The following SNAP91 variants were observed in gnomAD, a reference collection of about 807,000 sequenced individuals.
SNAP91 encodes the protein synaptosome associated protein 91, also known as clathrin coat assembly protein AP180.
Under a neutral mutation model 100.3 loss-of-function variants are expected in SNAP91, and 27 were observed. The ratio of observed to expected loss-of-function variants is 0.27; its 90% CI spans 0.20 to 0.37. The LOEUF is 0.37. Among genes scored for constraint, SNAP91 ranks in the 10% least tolerant of loss-of-function variants. SNAP91 has a pLI of 1.00. For synonymous variants in SNAP91, 404 were observed against 398.6 expected (o/e 1.01, Z -0.16); for missense variants, 986 against 1,123.7 (o/e 0.88, Z 1.75).
In SNAP91 at chr6:83,579,108, C is replaced by G. The variant is rs370749736; in HGVS notation, c.2299+1342G>C. 7.9e-5 allele frequency among the ~76,000 whole-genome samples: 12 copies of G among 152,164 alleles called. No individual in the cohort carries two copies. In the South Asian group the frequency reaches 1.9e-3, roughly 24 times the overall value. ...TTTGGTCTCTATGTCTATCCTTATT[C>G]CAGTACCATTTGTCCTGATTATTGT... On this transcript the variant is annotated intron_variant, in intron 24 of 29. Transcript: ENST00000369694.
At chr6:83,606,076 C>A (rs1276852011) in intron 13 of SNAP91, among the ~76,000 whole-genome samples, 1 of 152,116 alleles carries the variant, frequency 6.6e-6, no homozygotes, top group East Asian at 1.9e-4. Context: ...AAGACATAGA[C>A]AATACACAAA....
intron 26 of SNAP91, among the ~76,000 whole-genome samples, chr6:83,564,872 A>G (rs891051382): frequency 1.3e-5 from 2 of 152,074 alleles, no homozygotes; most frequent in Non-Finnish European, 2.9e-5. Flanking sequence ...TATGACACCA[A>G]AAGCACAAGT....
chr6:83,671,300 T>C (rs549047892), intron 2 of SNAP91, among the ~76,000 whole-genome samples: 1 of 152,232 alleles, frequency 6.6e-6, no homozygotes, highest in Admixed American at 6.5e-5. Context: ...AGTATCTAAA[T>C]GTTCTTGCCA....
intron 2 of SNAP91, chr6:83,690,412 A>C: frequency 7.8e-7 from 1 of 1,288,784 alleles, no homozygotes; most frequent in Non-Finnish European, 1.0e-6. Flanking sequence ...ATTAGGAAGC[A>C]CTTGTTGAAA....
chr6:83,695,728 A>C (rs1004236223), intron 2 of SNAP91, among the ~76,000 whole-genome samples: 15 of 152,098 alleles, frequency 9.9e-5, no homozygotes. Context: ...CTGAAAAAAC[A>C]CTTGTTTCTT....
chr6:83,644,458 T>C (rs931998870), intron 7 of SNAP91, among the ~76,000 whole-genome samples: 13 of 152,146 alleles, frequency 8.5e-5, no homozygotes, highest in African/African-American at 2.7e-4. Flanking sequence ...AGGGGATTGG[T>C]CATCCAAAAA....
chr6:83,654,252 A>T (rs1332990246), intron 7 of SNAP91, among the ~76,000 whole-genome samples: 1 of 152,122 alleles, frequency 6.6e-6, no homozygotes, highest in African/African-American at 2.4e-5. Flanking sequence ...TGTTCCAGTA[A>T]TCCATGACTC....
chr6:83,610,748 A>AGATATATATATATATATATAT (rs1562331919), intron 11 of SNAP91, 71 bp from the exon 12 acceptor site: 1 of 85,810 alleles, frequency 1.2e-5, no homozygotes, highest in Non-Finnish European at 2.0e-5. Flanking sequence ...TATATATATA[A>AGATATATATATATATATATAT]ATATATATGT....
chr6:83,595,771 T>A (rs2094407963), intron 16 of SNAP91, among the ~76,000 whole-genome samples: 1 of 152,336 alleles, frequency 6.6e-6, no homozygotes, highest in Admixed American at 6.5e-5. Flanking sequence ...TCTTCCTTGG[T>A]GATTTACTTA....
In SNAP91 at chr6:83,593,384, C is replaced by T. The variant is rs2094058825; in HGVS notation, c.1696+94G>A. ...TAAGCAGCAAATGGTTTCTAGAGAACCATTTAATTACACAGTCTTCATGCA... is the reference window on the plus strand; with the variant it reads ...TAAGCAGCAAATGGTTTCTAGAGAATCATTTAATTACACAGTCTTCATGCA... On this transcript the variant is annotated intron_variant, in intron 18 of 29. Coordinates refer to ENST00000369694, the MANE Select transcript of SNAP91 (RefSeq NM_001242792.2). The T allele has an allele frequency of 2.6e-6, 4 of 1,520,016 alleles. No homozygotes were observed. The Admixed American group carries it at 6.1e-5, about 23-fold the overall frequency. 94.2% of individuals were successfully genotyped at this position (1,520,016 alleles called of 1,614,324 possible).
intron 8 of SNAP91, among the ~76,000 whole-genome samples, chr6:83,630,938 CTGTT>C (rs1193486963): frequency 2.0e-5 from 3 of 151,974 alleles, no homozygotes; most frequent in East Asian, 1.9e-4. Context: ...CTTAGACTGT[CTGTT>C]TGTGTTCTTT....
chr6:83,694,421 C>T (rs928622338), intron 2 of SNAP91, among the ~76,000 whole-genome samples: 10 of 152,142 alleles, frequency 6.6e-5, no homozygotes, highest in African/African-American at 9.7e-5. Flanking sequence ...GACCATGATA[C>T]GAGCAAAAAA....
intron 8 of SNAP91, among the ~76,000 whole-genome samples, chr6:83,637,194 G>C (rs2097494414): frequency 1.3e-5 from 2 of 152,174 alleles, no homozygotes; most frequent in Admixed American, 6.5e-5. Context: ...TCCAGGCCTT[G>C]GGCCTTGGTG....
At chr6:83,611,863 A>ATTTTTTTTTTTT (rs750966269) in intron 11 of SNAP91, among the ~76,000 whole-genome samples, 29 of 91,256 alleles carry the variant, frequency 3.2e-4, no homozygotes, top group East Asian at 9.5e-4. Context: ...CGCCCGGCTA[A>ATTTTTTTTTTTT]TTTTTTTTTT....
At chr6:83,649,571 C>CT (rs1232423945) in intron 7 of SNAP91, among the ~76,000 whole-genome samples, 1 of 151,868 alleles carries the variant, frequency 6.6e-6, no homozygotes, top group African/African-American at 2.4e-5. Flanking sequence ...TAGTTCATAC[C>CT]TTTTTTGTTT....
At chr6:83,624,287 A>T (rs1404336067) in intron 8 of SNAP91, among the ~76,000 whole-genome samples, 1 of 152,160 alleles carries the variant, frequency 6.6e-6, no homozygotes, top group Non-Finnish European at 1.5e-5. Context: ...TTTGAAAATT[A>T]TTCAAAGTGA....
intron 2 of SNAP91, among the ~76,000 whole-genome samples, chr6:83,670,445 T>A (rs61088842): frequency 0.028 from 4,322 of 151,962 alleles, 75 homozygotes; most frequent in East Asian, 0.059. Flanking sequence ...TCCTCTATCA[T>A]ACATGTGACT....
intron 20 of SNAP91, 71 bp downstream of exon 20, chr6:83,592,875 G>A (rs981039577): frequency 2.6e-6 from 3 of 1,160,088 alleles, no homozygotes; most frequent in Admixed American, 2.2e-5. Flanking sequence ...AAACCCACAT[G>A]TTATATCCTT....
intron 22 of SNAP91, among the ~76,000 whole-genome samples, chr6:83,585,849 CTTTCT>C: frequency 6.8e-6 from 1 of 147,002 alleles, no homozygotes; most frequent in African/African-American, 2.5e-5. Context: ...ATTTTTTTTT[CTTTCT>C]TTTTTTTTTT....
Sources: gnomAD v4.1 joint callset for allele counts (sites outside exome capture counted in the v4.1 genomes callset) on GRCh38, gnomAD v4.1.1 for gene constraint, MANE v1.5 for transcripts, NCBI Gene and HGNC (gene_info 2026-07-23, HGNC 2026-07-21) for gene names.